PLEKHM2: variants seen among roughly 807,000 people sequenced by gnomAD.
PLEKHM2 encodes pleckstrin homology domain-containing family M member 2.
In PLEKHM2, 77 loss-of-function variants were observed where a neutral mutation model predicts 116.3. That is an observed-to-expected ratio of 0.66 (90% confidence interval 0.55 to 0.80). The LOEUF (loss-of-function observed/expected upper bound fraction) is 0.80. Among genes scored for constraint, PLEKHM2 ranks in the 30% least tolerant of loss-of-function variants. The probability of loss-of-function intolerance (pLI) is 0.00; values close to 1 mark genes in which losing one functional copy is unlikely to be tolerated. For missense variants in PLEKHM2, 1,183 were observed against 1,354.9 expected, an observed-to-expected ratio of 0.87 and a Z score of 1.99; for synonymous variants, 562 against 571.0, an observed-to-expected ratio of 0.98 and a Z score of 0.22.
At chr1:15,702,106 A>G (rs1052047592) in intron 1 of PLEKHM2, among the ~76,000 whole-genome samples, 3 of 152,210 alleles carry the variant, frequency 2.0e-5, no homozygotes, top group Non-Finnish European at 2.9e-5. Flanking sequence ...TCTGCCTTGT[A>G]AGGGAGGAAT....
At chr1:15,730,869 G>A in intron 15 of PLEKHM2, 147 bp downstream of exon 15, 1 of 705,468 alleles carries the variant, frequency 1.4e-6, no homozygotes, top group Non-Finnish European at 2.4e-6. Context: ...GCTTGGAGTT[G>A]ACTTAGCTCA....
chr1:15,714,033 C>G (rs564357418), intron 1 of PLEKHM2, among the ~76,000 whole-genome samples: 1 of 151,790 alleles, frequency 6.6e-6, no homozygotes, highest in African/African-American at 2.4e-5. Context: ...CCTCTGCTTC[C>G]TGAGTTCAAG....
chr1:15,704,670 GC>G (rs1325693115), intron 1 of PLEKHM2, among the ~76,000 whole-genome samples: 1 of 152,148 alleles, frequency 6.6e-6, no homozygotes, highest in Non-Finnish European at 1.5e-5. Context: ...ACAAGCTCCT[GC>G]CCTCCGTGAT....
intron 1 of PLEKHM2, among the ~76,000 whole-genome samples, chr1:15,702,523 CTT>C (rs1641135934): frequency 6.6e-6 from 1 of 152,038 alleles, no homozygotes; most frequent in Non-Finnish European, 1.5e-5. Context: ...TCAAGCAATT[CTT>C]TTGCCTCAGC....
In PLEKHM2 at chr1:15,729,499, C is replaced by T. The variant is rs1401616069; in HGVS notation, c.2076-298C>T. 6.6e-6 allele frequency among the ~76,000 whole-genome samples: 1 copy of T among 152,186 alleles called. No homozygotes were observed. The highest frequency in any genetic ancestry group is 1.5e-5 in the Non-Finnish European group (1 of 68,020). ...AGGCGTGCCCTTGAACGCCTGCATCCTTGTCGTGGCTCAAGGTCCCACCCG... is the reference window on the plus strand; with the variant it reads ...AGGCGTGCCCTTGAACGCCTGCATCTTTGTCGTGGCTCAAGGTCCCACCCG... On this transcript the variant is annotated intron_variant, in intron 13 of 19. Coordinates refer to ENST00000375799, the MANE Select transcript of PLEKHM2 (RefSeq NM_015164.4). This position sits in a 1 kb window ranked among gnomAD's most constrained non-coding sequence, Gnocchi z 4.7.
chr1:15,700,002 A>T (rs1382710308), intron 1 of PLEKHM2, among the ~76,000 whole-genome samples: 2 of 150,324 alleles, frequency 1.3e-5, no homozygotes, highest in African/African-American at 5.0e-5. Flanking sequence ...AAAAAAAAAA[A>T]CAACAAAAAT....
chr1:15,690,517 A>G (rs926716531), intron 1 of PLEKHM2, among the ~76,000 whole-genome samples: 3 of 152,190 alleles, frequency 2.0e-5, no homozygotes, highest in African/African-American at 7.2e-5. Flanking sequence ...TTCCAATAAA[A>G]CTTTATTTAC....
At chr1:15,731,430 G>C (rs2068142055) in intron 16 of PLEKHM2, among the ~76,000 whole-genome samples, 173 bp downstream of exon 16, 2 of 152,190 alleles carry the variant, frequency 1.3e-5, no homozygotes, top group African/African-American at 2.4e-5. Flanking sequence ...GAGCCCACAG[G>C]AGGGGAGGAG....
At chr1:15,724,222 C>T (rs569799746) in intron 7 of PLEKHM2, among the ~76,000 whole-genome samples, 13 of 152,312 alleles carry the variant, frequency 8.5e-5, no homozygotes, top group East Asian at 1.9e-4. Context: ...CGGTGGCTCA[C>T]GCCTGTAATC....
At position 15,731,252 on chromosome 1, in the gene PLEKHM2, C is replaced by G; in HGVS notation, c.2460C>G (p.Asn820Lys). Reference protein sequence around the residue: ...RTDVIPLLSVNMGGEQCGGCR... With the variant: ...RTDVIPLLSVKMGGEQCGGCR... ...ACGTCATCCCTCTGCTCTCGGTGAA[C>G]ATGGGGTAAGTGTCCCGGGAGAAGC... The change falls in exon 16 of 20, where the codon AAC becomes AAG. Residue 820 changes from asparagine to lysine, a missense_variant. Physicochemically the swap from Asn to Lys is moderately conservative, Grantham distance 94. This residue lies in a region of PLEKHM2 where 594 missense variants were observed against 720.1 expected (regional missense o/e 0.82). Coordinates refer to ENST00000375799, the MANE Select transcript of PLEKHM2 (RefSeq NM_015164.4). 1 of 1,587,238 alleles carries G rather than the reference C, an allele frequency of 6.3e-7. No homozygotes were observed. Among genetic ancestry groups the G allele is most frequent in the Non-Finnish European group, 8.6e-7 (1 of 1,165,954 alleles).
rs369377320 is a variant in PLEKHM2 at position 15,732,414 on chromosome 1, G to A, written c.2690G>A (p.Arg897His). Residue 897 changes from arginine to histidine, a missense_variant, in exon 18 of 20, where the codon CGC becomes CAC. Coordinates refer to ENST00000375799, the MANE Select transcript of PLEKHM2 (RefSeq NM_015164.4). ...TGCTGCCTGGTCCTCACGGATGACC[G>A]CCTCTTTACGTGCCATGAGGATTGC... The part of the protein sequence containing the change: ...IPCCLVLTDD[R>H]LFTCHEDCQT... 2.9e-5 allele frequency: 46 copies of A among 1,575,254 alleles called. No homozygotes were observed. The highest frequency in any genetic ancestry group is 1.3e-4 in the African/African-American group (10 of 74,334).
rs977443263 is a variant in PLEKHM2, at chr1:15,729,333, C to T, written c.2075+143C>T. On this transcript the variant is annotated intron_variant, in intron 13 of 19. Transcript: ENST00000375799. The surrounding 1 kb of genome is among the most constrained non-coding windows in gnomAD (Gnocchi z 4.7). The stretch of plus-strand genomic sequence containing the variant: ...GATGTATTCCCTCTGGAACCTGCAT[C>T]TGCTCAGAGAGGCAGGCAAGTAGAC... 7 of 725,088 alleles carry T rather than the reference C, an allele frequency of 9.7e-6. No individual in the cohort carries two copies. The South Asian group carries it at 1.1e-4, about 12-fold the overall frequency. The allele number at this position is 725,088 out of a possible 1,614,324, so 44.9% of individuals were successfully genotyped here.
intron 1 of PLEKHM2, among the ~76,000 whole-genome samples, chr1:15,695,631 C>T (rs1640979176): frequency 6.6e-6 from 1 of 152,090 alleles, no homozygotes. Context: ...CCTGCCTCAG[C>T]CTCCCAAGTA....
intron 1 of PLEKHM2, among the ~76,000 whole-genome samples, chr1:15,694,306 G>A (rs1175795928): frequency 1.3e-5 from 2 of 151,732 alleles, no homozygotes; most frequent in Non-Finnish European, 1.5e-5. Context: ...CCAAGATCGC[G>A]CCACTGTACT....
At position 15,733,854 on chromosome 1, in the gene PLEKHM2, G is replaced by T. The variant is rs2068185103; in HGVS notation, c.2980G>T (p.Ala994Ser). Residue 994 changes from alanine to serine, a missense_variant, in exon 20 of 20, where the codon GCC becomes TCC. Coordinates refer to ENST00000375799, the MANE Select transcript of PLEKHM2 (RefSeq NM_015164.4). ...CTCCAACAAGAAGAAATTCGAGGAT[G>T]CCTTGAGCCTCATCCACAGCGCCTG... Reference protein sequence around the residue: ...EASNKKKFEDALSLIHSAWQR... With the variant: ...EASNKKKFEDSLSLIHSAWQR... 2 of 1,612,990 alleles carry T rather than the reference G, an allele frequency of 1.2e-6. No homozygotes were observed. The highest frequency in any genetic ancestry group is 8.5e-7 in the Non-Finnish European group (1 of 1,179,854).
Position 15,733,789 on chromosome 1 carries a change from C to T in PLEKHM2, c.2923-8C>T, listed in dbSNP as rs1208345345. 8.1e-6 allele frequency: 13 copies of T among 1,612,230 alleles called. No homozygotes were observed. Among genetic ancestry groups the T allele is most frequent in the Middle Eastern group, 1.6e-4 (1 of 6,080 alleles). ...GCCCTCATCTGTTCTCTGCACGCCC[C>T]AACACAGGTGGACCTCCCCCACACG... On this transcript the variant is annotated splice_region_variant and splice_polypyrimidine_tract_variant and intron_variant, in intron 19 of 19. Transcript: ENST00000375799.
chr1:15,697,422 C>T (rs1428617156), intron 1 of PLEKHM2, among the ~76,000 whole-genome samples: 1 of 152,202 alleles, frequency 6.6e-6, no homozygotes. Flanking sequence ...GTGCTGAGTT[C>T]TCAGCCAGAG....
At chr1:15,731,538 C>T (rs533366039) in intron 16 of PLEKHM2, among the ~76,000 whole-genome samples, 5 of 152,104 alleles carry the variant, frequency 3.3e-5, no homozygotes, top group South Asian at 2.1e-4. Flanking sequence ...GATGGACGTT[C>T]GGGTATTTGG....
At chr1:15,703,180 C>T (rs1429145796) in intron 1 of PLEKHM2, among the ~76,000 whole-genome samples, 7 of 152,322 alleles carry the variant, frequency 4.6e-5, no homozygotes, top group East Asian at 3.9e-4. Flanking sequence ...CTGGGCATCA[C>T]AGGAGAGTCG....
Sources: gnomAD v4.1 joint callset for allele counts (sites outside exome capture counted in the v4.1 genomes callset) on GRCh38, gnomAD v4.1.1 for gene constraint, gnomAD v4.1.1 regional missense constraint, Gnocchi (gnomAD v3.1) non-coding constraint, MANE v1.5 for transcripts, NCBI Gene and HGNC (gene_info 2026-07-23, HGNC 2026-07-21) for gene names.